CAMTA1: variants seen among roughly 807,000 people sequenced by gnomAD.
The protein encoded by CAMTA1 is calmodulin-binding transcription activator 1.
In CAMTA1, 27 loss-of-function variants were observed where a neutral mutation model predicts 170.9. The ratio of observed to expected loss-of-function variants is 0.16; its 90% CI spans 0.12 to 0.22. CAMTA1 has a LOEUF of 0.22. Ranked by LOEUF, CAMTA1 falls within the 10% of genes least tolerant of loss-of-function variation. CAMTA1 has a pLI of 1.00. For missense variants in CAMTA1, 1,619 were observed against 2,217.2 expected (o/e 0.73, Z 5.42); for synonymous variants, 833 against 891.5 (o/e 0.93, Z 1.17).
intron 3 of CAMTA1, among the ~76,000 whole-genome samples, chr1:7,017,205 C>T (rs1700689594): frequency 6.6e-6 from 1 of 152,240 alleles, no homozygotes; most frequent in African/African-American, 2.4e-5. Flanking sequence ...GAAGTTGCCA[C>T]ACATGCCTTG....
In CAMTA1 at chr1:7,340,554, C is replaced by CTCCCTCCCTCCCTCCG. The variant is rs1553139269; in HGVS notation, c.438+90941_438+90942insCCGTCCCTCCCTCCCT. 1.4e-5 allele frequency among the ~76,000 whole-genome samples: 2 copies of CTCCCTCCCTCCCTCCG among 147,316 alleles called. 1 individual carries two copies. The highest frequency in any genetic ancestry group is 5.0e-5 in the African/African-American group (2 of 39,706). ...ATGTGCTGCCTGCCTGCCTGCCTGC[C>CTCCCTCCCTCCCTCCG]TCCCTCCCTCCCTTCCTTCCTTCCA... On this transcript the variant is annotated intron_variant, in intron 5 of 22. Coordinates refer to ENST00000303635, the MANE Select transcript of CAMTA1 (RefSeq NM_015215.4).
chr1:6,908,826 C>G (rs1005343883), intron 3 of CAMTA1, among the ~76,000 whole-genome samples: 3 of 152,166 alleles, frequency 2.0e-5, no homozygotes, highest in African/African-American at 7.2e-5. Flanking sequence ...GCCAGGGCCC[C>G]TGAATGTGCA....
intron 19 of CAMTA1, 125 bp downstream of exon 19, chr1:7,747,906 G>GTTTTTTTTTTTT: frequency 2.4e-6 from 1 of 412,908 alleles, no homozygotes; most frequent in Non-Finnish European, 4.3e-6. Context: ...TTTTTTGGTT[G>GTTTTTTTTTTTT]TTTTTTTTTT....
At chr1:6,925,409 G>A (rs183111178) in intron 3 of CAMTA1, among the ~76,000 whole-genome samples, 37 of 152,352 alleles carry the variant, frequency 2.4e-4, no homozygotes, top group African/African-American at 8.7e-4. Flanking sequence ...CCTCGCTTTC[G>A]AGGGGGAAAG....
In CAMTA1 at chr1:7,224,842, G is replaced by A. The variant is rs1265954135; in HGVS notation, c.303-24649G>A. On this transcript the variant is annotated intron_variant, in intron 4 of 22. Coordinates refer to ENST00000303635, the MANE Select transcript of CAMTA1 (RefSeq NM_015215.4). This position sits in a 1 kb window ranked among gnomAD's most constrained non-coding sequence, Gnocchi z 5.2. ...ATGGTCCGTTGGCACCCTGCCCACCGCACTTCAGCTTCCCTTGCTGCCACC... is the reference window on the plus strand; with the variant it reads ...ATGGTCCGTTGGCACCCTGCCCACCACACTTCAGCTTCCCTTGCTGCCACC... Among the ~76,000 whole-genome samples the A allele has an allele frequency of 6.6e-6, 1 of 152,134 alleles. No homozygotes were observed. Among genetic ancestry groups the A allele is most frequent in the Non-Finnish European group, 1.5e-5 (1 of 68,030 alleles).
At chr1:7,157,660 C>A (rs1279842106) in intron 4 of CAMTA1, among the ~76,000 whole-genome samples, 1 of 152,172 alleles carries the variant, frequency 6.6e-6, no homozygotes, top group Admixed American at 6.5e-5. Context: ...AAATATACAT[C>A]TATTGCATGA....
chr1:7,394,197 G>T (rs560095072), intron 5 of CAMTA1, among the ~76,000 whole-genome samples: 1 of 152,302 alleles, frequency 6.6e-6, no homozygotes, highest in East Asian at 1.9e-4. Flanking sequence ...TGCTTTGGAT[G>T]TATATATTCA....
intron 6 of CAMTA1, among the ~76,000 whole-genome samples, chr1:7,629,218 C>T (rs2095652671): frequency 6.6e-6 from 1 of 152,216 alleles, no homozygotes; most frequent in Non-Finnish European, 1.5e-5. Flanking sequence ...CTGACAGGTC[C>T]CTGGCAAGAG....
chr1:7,138,357 CA>C (rs1342781687), intron 4 of CAMTA1, among the ~76,000 whole-genome samples: 1 of 152,126 alleles, frequency 6.6e-6, no homozygotes, highest in Non-Finnish European at 1.5e-5. Flanking sequence ...TACCCTGCCA[CA>C]GTGTAGCATT....
intron 1 of CAMTA1, among the ~76,000 whole-genome samples, chr1:6,806,010 C>T (rs531922923): frequency 7.2e-5 from 11 of 151,856 alleles, no homozygotes; most frequent in African/African-American, 2.4e-4. Context: ...ACATTTAGTT[C>T]TCTGATAGAT....
chr1:6,794,880 C>CTTT lies in CAMTA1; in HGVS notation c.45+9312_45+9314dup, dbSNP rs1305335139. ...TTTATATTACATCATTAGATAAAGG[C>CTTT]TTTTTTTTTGTTTTTTTTGTTTTTT... On this transcript the variant is annotated intron_variant, in intron 1 of 22. Coordinates refer to ENST00000303635, the MANE Select transcript of CAMTA1 (RefSeq NM_015215.4). 7.5e-4 allele frequency among the ~76,000 whole-genome samples: 107 copies of CTTT among 141,924 alleles called. 1 individual carries two copies. The highest frequency in any genetic ancestry group is 2.2e-3 in the African/African-American group (80 of 37,156). 93.1% of individuals were successfully genotyped at this position (141,924 alleles called of 152,430 possible).
In CAMTA1 at chr1:7,741,561, CA is replaced by C. The variant is rs368850510; in HGVS notation, c.4182+3092del. Among the ~76,000 whole-genome samples the C allele has an allele frequency of 4.6e-3, 633 of 136,986 alleles. 1 individual carries two copies. Among genetic ancestry groups the C allele is most frequent in the African/African-American group, 0.011 (407 of 37,106 alleles). 89.9% of individuals were successfully genotyped at this position (136,986 alleles called of 152,430 possible). On this transcript the variant is annotated intron_variant, in intron 16 of 22. Transcript: ENST00000303635. The stretch of plus-strand genomic sequence containing the variant: ...TGGGCGACAGAGCGAGACTCTCTCT[CA>C]AAAAAAAAAAAATGTTAAGTTGGTA...
intron 6 of CAMTA1, among the ~76,000 whole-genome samples, chr1:7,613,994 A>C (rs1399060646): frequency 9.6e-6 from 1 of 103,762 alleles, no homozygotes; most frequent in Non-Finnish European, 1.9e-5. Flanking sequence ...GGCAGGCCTG[A>C]CCCAGAGGGG....
intron 4 of CAMTA1, among the ~76,000 whole-genome samples, chr1:7,108,489 C>T (rs1236305926): frequency 1.3e-5 from 2 of 152,084 alleles, no homozygotes; most frequent in East Asian, 1.9e-4. Context: ...TGTGGTTGTG[C>T]AGAAGGACGG....
At chr1:7,373,364 T>C (rs1405506024) in intron 5 of CAMTA1, among the ~76,000 whole-genome samples, 1 of 152,192 alleles carries the variant, frequency 6.6e-6, no homozygotes, top group Non-Finnish European at 1.5e-5. Flanking sequence ...TGGATTTCAG[T>C]TCCCCCAGCC....
At chr1:7,389,286 A>G (rs991513003) in intron 5 of CAMTA1, 4 of 124,660 alleles carry the variant, frequency 3.2e-5, no homozygotes, top group Non-Finnish European at 5.1e-5. Flanking sequence ...TCTTTCCCCC[A>G]TGGGCTCAGT....
At chr1:7,508,502 T>G (rs1420053583) in intron 6 of CAMTA1, among the ~76,000 whole-genome samples, 1 of 152,214 alleles carries the variant, frequency 6.6e-6, no homozygotes, top group African/African-American at 2.4e-5. Flanking sequence ...AAATGCTGCT[T>G]TCATGCATCT....
intron 3 of CAMTA1, among the ~76,000 whole-genome samples, chr1:6,909,151 A>T (rs994352819): frequency 6.6e-6 from 1 of 152,226 alleles, no homozygotes; most frequent in Non-Finnish European, 1.5e-5. Context: ...CCTCTAAAAG[A>T]AAACTCAATT....
intron 6 of CAMTA1, among the ~76,000 whole-genome samples, chr1:7,638,930 G>A (rs1325980712): frequency 1.3e-5 from 2 of 152,166 alleles, no homozygotes; most frequent in Non-Finnish European, 2.9e-5. Flanking sequence ...TTCTTAATAA[G>A]ATGTGATGAG....
Sources: allele counts gnomAD v4.1 joint callset (sites outside exome capture counted in the v4.1 genomes callset), GRCh38; gene constraint gnomAD v4.1.1; non-coding constraint Gnocchi (gnomAD v3.1); transcripts MANE v1.5; gene names NCBI Gene and HGNC (gene_info 2026-07-23, HGNC 2026-07-21).